SLC25A21: variants seen among roughly 807,000 people sequenced by gnomAD.
SLC25A21 encodes mitochondrial 2-oxodicarboxylate carrier.
A neutral mutation model predicts 43.8 loss-of-function variants in SLC25A21; 47 were observed. The ratio of observed to expected loss-of-function variants is 1.07; its 90% CI spans 0.85 to 1.37. SLC25A21 has a LOEUF of 1.37. SLC25A21 is among the 40% of genes most tolerant of loss of function. The probability of loss-of-function intolerance (pLI) is 0.00; values close to 1 mark genes in which losing one functional copy is unlikely to be tolerated. For missense variants in SLC25A21, 352 were observed against 350.2 expected (o/e 1.00, Z -0.04); for synonymous variants, 131 against 121.3 (o/e 1.08, Z -0.52).
At chr14:37,159,592 A>G (rs1375794071) in intron 1 of SLC25A21, among the ~76,000 whole-genome samples, 1 of 152,190 alleles carries the variant, frequency 6.6e-6, no homozygotes, top group Non-Finnish European at 1.5e-5. Context: ...TGGATTAAAC[A>G]CTTAAATATA....
intron 7 of SLC25A21, among the ~76,000 whole-genome samples, chr14:36,690,722 CA>C (rs1343524899): frequency 6.6e-6 from 1 of 152,066 alleles, no homozygotes; most frequent in Admixed American, 6.6e-5. Context: ...GGAGGGCAAA[CA>C]TACAGTATGG....
chr14:36,803,154 T>G (rs1331156255), intron 3 of SLC25A21, among the ~76,000 whole-genome samples: 1 of 152,132 alleles, frequency 6.6e-6, no homozygotes, highest in Non-Finnish European at 1.5e-5. Context: ...TCAGATTCTG[T>G]GGAAAAAGAT....
intron 1 of SLC25A21, among the ~76,000 whole-genome samples, chr14:37,069,018 CAAA>C (rs58943565): frequency 6.6e-6 from 1 of 150,828 alleles, no homozygotes; most frequent in Admixed American, 6.6e-5. Context: ...ACTAAAAATA[CAAA>C]AAAAAATTAG....
intron 1 of SLC25A21, among the ~76,000 whole-genome samples, chr14:37,038,906 C>A (rs568578865): frequency 1.3e-4 from 20 of 152,288 alleles, no homozygotes; most frequent in African/African-American, 4.8e-4. Context: ...TGTCATTCAT[C>A]CACCTCCATC....
intron 1 of SLC25A21, among the ~76,000 whole-genome samples, chr14:36,926,988 G>C (rs1249098841): frequency 1.3e-5 from 2 of 152,104 alleles, no homozygotes; most frequent in Non-Finnish European, 2.9e-5. Context: ...TGGGCAACAT[G>C]GTGAAACCCC....
chr14:37,037,163 G>A (rs1374732458), intron 1 of SLC25A21, among the ~76,000 whole-genome samples: 1 of 152,178 alleles, frequency 6.6e-6, no homozygotes, highest in Non-Finnish European at 1.5e-5. Context: ...CTGTTTCCAA[G>A]TTATTTCTAA....
At chr14:36,730,989 T>TTC (rs1555323790) in intron 4 of SLC25A21, among the ~76,000 whole-genome samples, 22 of 151,290 alleles carry the variant, frequency 1.5e-4, no homozygotes, top group African/African-American at 5.3e-4. Flanking sequence ...TTTTTTTTTT[T>TTC]CGAGATGGAG....
At chr14:36,906,276 T>C (rs1951305817) in intron 1 of SLC25A21, among the ~76,000 whole-genome samples, 1 of 152,110 alleles carries the variant, frequency 6.6e-6, no homozygotes, top group Admixed American at 6.6e-5. Context: ...ATATGTTCAT[T>C]CAAAAAATAA....
intron 3 of SLC25A21, among the ~76,000 whole-genome samples, chr14:36,735,194 T>C (rs1398746757): frequency 1.3e-5 from 2 of 152,180 alleles, no homozygotes; most frequent in Admixed American, 6.5e-5. Context: ...CTTGCTGATA[T>C]GTAAAATCAC....
chr14:37,150,973 C>T (rs773382231), intron 1 of SLC25A21, among the ~76,000 whole-genome samples: 3 of 151,954 alleles, frequency 2.0e-5, no homozygotes, highest in Non-Finnish European at 4.4e-5. Context: ...ACTTGATGGT[C>T]GATAAATATT....
intron 2 of SLC25A21, among the ~76,000 whole-genome samples, chr14:36,861,254 T>G (rs548648637): frequency 1.3e-5 from 2 of 152,204 alleles, no homozygotes; most frequent in Admixed American, 1.3e-4. Context: ...TCAAATTTGT[T>G]TGTCTAAAGA....
At chr14:37,131,881 C>G (rs1484103562) in intron 1 of SLC25A21, among the ~76,000 whole-genome samples, 1 of 152,106 alleles carries the variant, frequency 6.6e-6, no homozygotes, top group African/African-American at 2.4e-5. Flanking sequence ...GCTATATTGC[C>G]CAGGCTGGTC....
chr14:36,735,472 T>TAAGTGACTAAAGATAAGGGCAGAGCTC (rs145352109), intron 3 of SLC25A21, among the ~76,000 whole-genome samples: 68,478 of 151,788 alleles, frequency 0.45, 16,328 homozygotes, highest in African/African-American at 0.58. Context: ...GATGAGTCCA[T>TAAGTGACTAAAGATAAGGGCAGAGCTC]AACATGTCCC....
intron 1 of SLC25A21, among the ~76,000 whole-genome samples, chr14:36,919,088 G>GATGAATGAATGAATAAATGAATGGATGA (rs1555336783): frequency 9.6e-4 from 146 of 151,774 alleles, no homozygotes; most frequent in African/African-American, 3.3e-3. Context: ...TAAATGAATG[G>GATGAATGAATGAATAAATGAATGGATGA]ATGAATGAAT....
intron 3 of SLC25A21, among the ~76,000 whole-genome samples, chr14:36,795,365 A>C (rs1410916046): frequency 6.6e-6 from 1 of 152,192 alleles, no homozygotes; most frequent in Non-Finnish European, 1.5e-5. Context: ...GTTGTACCAC[A>C]TGATTCTTTA....
At position 37,040,228 on chromosome 14, in the gene SLC25A21, A is replaced by G. The variant is rs1322027179; in HGVS notation, c.70+132053T>C. ...AGAAAAAAAGAAAAAGAAAAAGAAA[A>G]AGAAAGGGAGGAAGGGAGGAAGGGA... On this transcript the variant is annotated intron_variant, in intron 1 of 9. Transcript: ENST00000331299. 5.5e-3 allele frequency among the ~76,000 whole-genome samples: 47 copies of G among 8,528 alleles called. 1 individual carries two copies. Among genetic ancestry groups the G allele is most frequent in the African/African-American group, 0.012 (9 of 758 alleles). 5.6% of individuals were successfully genotyped at this position (8,528 alleles called of 152,430 possible).
intron 1 of SLC25A21, among the ~76,000 whole-genome samples, chr14:36,995,072 G>T (rs776736519): frequency 6.6e-6 from 1 of 152,084 alleles, no homozygotes; most frequent in African/African-American, 2.4e-5. Flanking sequence ...CCCCTTTCAC[G>T]TCTGGCCTGA....
chr14:37,104,338 T>C (rs1288239227), intron 1 of SLC25A21, among the ~76,000 whole-genome samples: 1 of 152,174 alleles, frequency 6.6e-6, no homozygotes, highest in African/African-American at 2.4e-5. Flanking sequence ...GGCACCTTGA[T>C]CTCGGCCTTC....
At chr14:36,861,145 A>C (rs1013152761) in intron 2 of SLC25A21, among the ~76,000 whole-genome samples, 1 of 152,202 alleles carries the variant, frequency 6.6e-6, no homozygotes, top group African/African-American at 2.4e-5. Flanking sequence ...AGCCACCTCA[A>C]CAAGAATATT....
Sources: allele counts gnomAD v4.1 joint callset (sites outside exome capture counted in the v4.1 genomes callset), GRCh38; gene constraint gnomAD v4.1.1; transcripts MANE v1.5; gene names NCBI Gene and HGNC (gene_info 2026-07-23, HGNC 2026-07-21).